Variants in BCAS3 observed in about 807,000 individuals in gnomAD.
BCAS3 encodes BCAS4/BCAS3 fusion.
In BCAS3, 53 loss-of-function variants were observed where a neutral mutation model predicts 116.1. That is an observed-to-expected ratio of 0.46 (90% CI 0.37 to 0.57). BCAS3 has a LOEUF of 0.57. Ranked by LOEUF, BCAS3 falls within the 20% of genes least tolerant of loss-of-function variation. The pLI is 0.00. For synonymous variants in BCAS3, 391 were observed against 408.2 expected (o/e 0.96, Z 0.51); for missense variants, 917 against 1,165.4 (o/e 0.79, Z 3.10).
At chr17:60,707,285 G>A (rs1309547370) in intron 4 of BCAS3, among the ~76,000 whole-genome samples, 1 of 151,712 alleles carries the variant, frequency 6.6e-6, no homozygotes, top group South Asian at 2.1e-4. Context: ...GAGCCACCAC[G>A]CCCGGCCAAT....
chr17:61,148,637 T>C (rs1381081058), intron 22 of BCAS3, among the ~76,000 whole-genome samples: 1 of 152,212 alleles, frequency 6.6e-6, no homozygotes, highest in Non-Finnish European at 1.5e-5. Context: ...GACTTTTGCA[T>C]TGTATGTTCC....
intron 22 of BCAS3, among the ~76,000 whole-genome samples, chr17:61,164,300 A>G (rs2078352565): frequency 6.6e-6 from 1 of 152,090 alleles, no homozygotes; most frequent in African/African-American, 2.4e-5. Flanking sequence ...TATGTCCCCA[A>G]AGTTCATGTG....
intron 15 of BCAS3, among the ~76,000 whole-genome samples, chr17:61,005,954 C>T (rs112974399): frequency 6.6e-5 from 10 of 151,928 alleles, no homozygotes; most frequent in Non-Finnish European, 1.3e-4. Flanking sequence ...CCCTTCCCCC[C>T]ACTCCACCAC....
Position 61,023,277 on chromosome 17 carries a change from ATGT to A in BCAS3, c.1637+7380_1637+7382del, listed in dbSNP as rs1457316304. On this transcript the variant is annotated intron_variant, in intron 16 of 23. Coordinates refer to ENST00000407086, the MANE Select transcript of BCAS3 (RefSeq NM_017679.5). This position sits in a 1 kb window ranked among gnomAD's most constrained non-coding sequence, Gnocchi z 4.8. ...GCTCTGCTTCAATATTTGACACATA[ATGT>A]TGTATAGCTTTTTCTCTGCTTCATC... Among the ~76,000 whole-genome samples the A allele has an allele frequency of 4.6e-5, 7 of 152,144 alleles. No individual in the cohort carries two copies. Among genetic ancestry groups the A allele is most frequent in the Non-Finnish European group, 1.0e-4 (7 of 68,016 alleles).
chr17:61,158,360 G>T (rs941312532), intron 22 of BCAS3, among the ~76,000 whole-genome samples: 1 of 152,118 alleles, frequency 6.6e-6, no homozygotes, highest in Non-Finnish European at 1.5e-5. Flanking sequence ...ATGACTTGTG[G>T]CTGGTATTTG....
In BCAS3 at chr17:61,144,825, T is replaced by C. The variant is rs2077108162; in HGVS notation, c.2425+60261T>C. On this transcript the variant is annotated intron_variant, in intron 22 of 23. Transcript: ENST00000407086. This position sits in a 1 kb window ranked among gnomAD's most constrained non-coding sequence, Gnocchi z 5.0. ...TGATTTACCTCAAAGAATTACTTCA[T>C]GTAGATTAACTGAAATAATGATGCT... 1.3e-5 allele frequency among the ~76,000 whole-genome samples: 2 copies of C among 152,196 alleles called. No homozygotes were observed. The highest frequency in any genetic ancestry group is 4.1e-4 in the South Asian group (2 of 4,830).
At chr17:61,047,044 G>A (rs983540607) in intron 19 of BCAS3, among the ~76,000 whole-genome samples, 8 of 151,884 alleles carry the variant, frequency 5.3e-5, no homozygotes, top group African/African-American at 1.9e-4. Context: ...TGGAAGGAAG[G>A]GGGAACCAGC....
intron 9 of BCAS3, among the ~76,000 whole-genome samples, chr17:60,888,703 G>A (rs992204313): frequency 6.6e-6 from 1 of 152,112 alleles, no homozygotes; most frequent in Non-Finnish European, 1.5e-5. Context: ...GAAACCCTAA[G>A]TATTGCAAAC....
intron 22 of BCAS3, among the ~76,000 whole-genome samples, chr17:61,218,793 C>G (rs2081947755): frequency 6.6e-6 from 1 of 152,162 alleles, no homozygotes; most frequent in African/African-American, 2.4e-5. Flanking sequence ...TGCCTAGGTC[C>G]CAGCTTTACT....
At chr17:60,805,021 C>T (rs1232851784) in intron 6 of BCAS3, among the ~76,000 whole-genome samples, 1 of 151,172 alleles carries the variant, frequency 6.6e-6, no homozygotes, top group African/African-American at 2.4e-5. Context: ...CTGACTGCTG[C>T]ATCAGTCATC....
chr17:61,018,258 C>A (rs2065605214), intron 16 of BCAS3, among the ~76,000 whole-genome samples: 1 of 149,978 alleles, frequency 6.7e-6, no homozygotes, highest in Non-Finnish European at 1.5e-5. Context: ...TCAAGACTAG[C>A]CAAAGGAATT....
intron 6 of BCAS3, among the ~76,000 whole-genome samples, chr17:60,775,189 G>A (rs756166330): frequency 5.9e-5 from 9 of 152,092 alleles, no homozygotes; most frequent in Non-Finnish European, 1.3e-4. Context: ...AATTTCTGGA[G>A]GTATCATAGC....
chr17:61,190,972 G>A (rs2080077283), intron 22 of BCAS3, among the ~76,000 whole-genome samples: 1 of 152,134 alleles, frequency 6.6e-6, no homozygotes, highest in East Asian at 1.9e-4. Flanking sequence ...TCAAAAGACT[G>A]AGGCAGGATG....
At chr17:61,014,608 A>C (rs2065320490) in intron 15 of BCAS3, among the ~76,000 whole-genome samples, 1 of 152,090 alleles carries the variant, frequency 6.6e-6, no homozygotes. Context: ...TCCCCTGTCA[A>C]ATCAACATTG....
In BCAS3 at chr17:61,183,040, T is replaced by C. The variant is rs2079567529; in HGVS notation, c.2425+98476T>C. Among the ~76,000 whole-genome samples the C allele has an allele frequency of 2.0e-5, 3 of 152,356 alleles. No homozygotes were observed. The South Asian group carries it at 6.2e-4, about 32-fold the overall frequency. On this transcript the variant is annotated intron_variant, in intron 22 of 23. Coordinates refer to ENST00000407086, the MANE Select transcript of BCAS3 (RefSeq NM_017679.5). ...TGTGTCCATGCTGATTCTTAAGTTG[T>C]TTAAGGAAATATTTCCTTAATAGAA...
At chr17:61,135,262 A>G (rs1275544898) in intron 22 of BCAS3, among the ~76,000 whole-genome samples, 1 of 152,228 alleles carries the variant, frequency 6.6e-6, no homozygotes, top group Non-Finnish European at 1.5e-5. Flanking sequence ...TGTTAGTACT[A>G]GGGAGCAAGT....
In BCAS3 at chr17:61,233,130, G is replaced by A. The variant is rs1430710667; in HGVS notation, c.2426-135197G>A. 6.6e-6 allele frequency among the ~76,000 whole-genome samples: 1 copy of A among 152,136 alleles called. No individual in the cohort carries two copies. The highest frequency in any genetic ancestry group is 1.5e-5 in the Non-Finnish European group (1 of 68,030). ...AAACTTTGTTACCACTTAAAAAGGG[G>A]CTAAAAATACTTCTTTTTTAAAAAA... is the stretch of plus-strand genomic sequence containing the variant. On this transcript the variant is annotated intron_variant, in intron 22 of 23. Transcript: ENST00000407086. The surrounding 1 kb of genome is among the most constrained non-coding windows in gnomAD (Gnocchi z 4.3).
intron 13 of BCAS3, among the ~76,000 whole-genome samples, chr17:60,943,875 A>G (rs2060347158): frequency 6.6e-6 from 1 of 152,228 alleles, no homozygotes; most frequent in South Asian, 2.1e-4. Flanking sequence ...TAACAAAACA[A>G]TATACCTTTA....
At chr17:60,997,109 CT>C (rs1197616984) in intron 15 of BCAS3, among the ~76,000 whole-genome samples, 1 of 152,138 alleles carries the variant, frequency 6.6e-6, no homozygotes, top group African/African-American at 2.4e-5. Flanking sequence ...CAACCTAGAT[CT>C]TTGCATGTGT....
Sources: gnomAD v4.1 joint callset for allele counts (sites outside exome capture counted in the v4.1 genomes callset) on GRCh38, gnomAD v4.1.1 for gene constraint, Gnocchi (gnomAD v3.1) non-coding constraint, MANE v1.5 for transcripts, NCBI Gene and HGNC (gene_info 2026-07-23, HGNC 2026-07-21) for gene names.